PIAS1: variants seen among roughly 807,000 people sequenced by gnomAD.
PIAS1 encodes E3 SUMO-protein ligase PIAS1.
PIAS1 carries 6 observed loss-of-function variants against 71.3 expected under a neutral mutation model. The observed-to-expected ratio is 0.08, with a 90% CI of 0.05 to 0.17. The LOEUF (loss-of-function observed/expected upper bound fraction) is 0.17, where lower values mean the gene tolerates loss of function less well. PIAS1 is among the 10% of genes least tolerant of loss of function. The probability of loss-of-function intolerance (pLI) is 1.00; values close to 1 mark genes in which losing one functional copy is unlikely to be tolerated. For synonymous variants in PIAS1, 303 were observed against 292.9 expected (o/e 1.03, Z -0.35); for missense variants, 555 against 793.6 (o/e 0.70, Z 3.61).
chr15:68,075,314 G>C (rs969942845), intron 1 of PIAS1, among the ~76,000 whole-genome samples: 3 of 151,954 alleles, frequency 2.0e-5, no homozygotes, highest in Non-Finnish European at 4.4e-5. Flanking sequence ...TCGAACTCCT[G>C]ATCTCAGGTG....
intron 2 of PIAS1, among the ~76,000 whole-genome samples, chr15:68,091,200 A>C (rs559352778): frequency 6.6e-6 from 1 of 152,316 alleles, no homozygotes; most frequent in Non-Finnish European, 1.5e-5. Context: ...ATAATTTTGG[A>C]TTAAAATATC....
At chr15:68,179,561 G>GTTTTTTTTTTTTTTTTTT (rs1307028845) in intron 11 of PIAS1, among the ~76,000 whole-genome samples, 4 of 30,190 alleles carry the variant, frequency 1.3e-4, no homozygotes, top group Non-Finnish European at 3.9e-4. Flanking sequence ...CTCGTGAAAT[G>GTTTTTTTTTTTTTTTTTT]TTCTTTTTTT....
chr15:68,094,679 T>C (rs1225299620), intron 2 of PIAS1, among the ~76,000 whole-genome samples: 1 of 152,184 alleles, frequency 6.6e-6, no homozygotes, highest in Non-Finnish European at 1.5e-5. Context: ...CTGATAACTA[T>C]TAGAAAGGGC....
chr15:68,149,602 T>G (rs1001052247), intron 6 of PIAS1, among the ~76,000 whole-genome samples: 1 of 152,098 alleles, frequency 6.6e-6, no homozygotes, highest in South Asian at 2.1e-4. Context: ...CCATGTTGGT[T>G]GTTATTATTA....
At chr15:68,165,775 A>T (rs1271239627) in intron 8 of PIAS1, among the ~76,000 whole-genome samples, 2 of 152,170 alleles carry the variant, frequency 1.3e-5, no homozygotes, top group East Asian at 1.9e-4. Context: ...TATGTGAAAA[A>T]TTTAATAATT....
Position 68,173,940 on chromosome 15 carries a change from T to C in PIAS1, c.1169+48T>C, listed in dbSNP as rs771796738. Reference sequence around the variant, plus strand: ...GGTACCTTGAAATGACCATATATTATCTGGGTTTGTTACACATCAGATTTG... The same window carrying C: ...GGTACCTTGAAATGACCATATATTACCTGGGTTTGTTACACATCAGATTTG... On this transcript the variant is annotated intron_variant, in intron 9 of 13. Coordinates refer to ENST00000249636, the MANE Select transcript of PIAS1 (RefSeq NM_016166.3). The surrounding 1 kb of genome is among the most constrained non-coding windows in gnomAD (Gnocchi z 4.3). The C allele has an allele frequency of 1.6e-6, 2 of 1,242,610 alleles. No individual in the cohort carries two copies. The highest frequency in any genetic ancestry group is 5.1e-5 in the South Asian group (2 of 39,340). The allele number at this position is 1,242,610 out of a possible 1,614,324, so 77.0% of individuals were successfully genotyped here.
At chr15:68,064,731 A>G (rs2091998286) in intron 1 of PIAS1, among the ~76,000 whole-genome samples, 1 of 152,236 alleles carries the variant, frequency 6.6e-6, no homozygotes, top group South Asian at 2.1e-4. Context: ...TTTCCTTTAT[A>G]TTCTTCATCC....
Position 68,175,770 on chromosome 15 carries a change from G to A in PIAS1, c.1300+3G>A, listed in dbSNP as rs1356499666. 5 of 1,596,924 alleles carry A rather than the reference G, an allele frequency of 3.1e-6. No homozygotes were observed. The highest frequency in any genetic ancestry group is 2.3e-5 in the South Asian group (2 of 88,218). ...TGCCTCTTACAATGGAGTCGATGGTGAGTAGTTCTTCACAAGGAAGAGGCA... is the reference window on the plus strand; with the variant it reads ...TGCCTCTTACAATGGAGTCGATGGTAAGTAGTTCTTCACAAGGAAGAGGCA... On this transcript the variant is annotated splice_donor_region_variant and intron_variant, in intron 10 of 13. Transcript: ENST00000249636.
chr15:68,124,179 A>G (rs1259745546), intron 2 of PIAS1, among the ~76,000 whole-genome samples: 1 of 152,194 alleles, frequency 6.6e-6, no homozygotes, highest in East Asian at 1.9e-4. Context: ...TGAAAAAATA[A>G]CATGGGTATT....
intron 2 of PIAS1, among the ~76,000 whole-genome samples, chr15:68,112,731 C>T (rs995047797): frequency 1.3e-5 from 2 of 152,158 alleles, no homozygotes; most frequent in Non-Finnish European, 2.9e-5. Flanking sequence ...CTAGAACTCT[C>T]ATATACCATT....
intron 11 of PIAS1, 75 bp downstream of exon 11, chr15:68,176,729 A>G (rs1000260447): frequency 8.0e-6 from 8 of 998,468 alleles, no homozygotes; most frequent in African/African-American, 4.9e-5. Flanking sequence ...AGACTTGCCA[A>G]ATAAAATGAT....
rs771705290 is a variant in PIAS1 at position 68,086,640 on chromosome 15, T to C, written c.359T>C (p.Leu120Pro). The C allele has an allele frequency of 1.2e-6, 2 of 1,613,282 alleles. No homozygotes were observed. The highest frequency in any genetic ancestry group is 2.2e-5 in the South Asian group (2 of 91,052). The change falls in exon 2 of 14, where the codon CTG (leucine) becomes CCG (proline). Residue 120 changes from leucine to proline, a missense_variant. Leu to Pro is a moderately conservative substitution (Grantham distance 98). Transcript: ENST00000249636. The surrounding 1 kb of genome is among the most constrained non-coding windows in gnomAD (Gnocchi z 7.2). ...TCTCTTCTGGGACCTAAACATGAAC[T>C]GGAACTCCCACATCTTACATCAGCT... ...PVSLLGPKHE[L>P]ELPHLTSALH...
intron 8 of PIAS1, among the ~76,000 whole-genome samples, chr15:68,168,407 A>G (rs1376905649): frequency 6.6e-6 from 1 of 152,198 alleles, no homozygotes; most frequent in Non-Finnish European, 1.5e-5. Context: ...AAGTTGGTTA[A>G]AACTTTTATC....
chr15:68,110,703 C>A (rs565872611), intron 2 of PIAS1, among the ~76,000 whole-genome samples: 10 of 151,920 alleles, frequency 6.6e-5, no homozygotes, highest in Admixed American at 3.9e-4. Flanking sequence ...ATCAAGGCTG[C>A]ACTCCAGTCT....
At chr15:68,157,677 A>AG (rs1345780414) in intron 7 of PIAS1, among the ~76,000 whole-genome samples, 2 of 152,186 alleles carry the variant, frequency 1.3e-5, no homozygotes, top group East Asian at 3.8e-4. Flanking sequence ...GATTCTCTTA[A>AG]GGGAAGCATT....
intron 2 of PIAS1, among the ~76,000 whole-genome samples, chr15:68,097,143 A>G (rs1255629371): frequency 1.3e-5 from 2 of 152,148 alleles, no homozygotes; most frequent in South Asian, 2.1e-4. Flanking sequence ...TGTCTTTTCT[A>G]CATCCATTCA....
intron 4 of PIAS1, among the ~76,000 whole-genome samples, chr15:68,144,987 G>A (rs899787862): frequency 9.2e-5 from 14 of 152,220 alleles, no homozygotes; most frequent in African/African-American, 3.4e-4. Flanking sequence ...TCCCTACTAT[G>A]TAACTCAGGG....
intron 2 of PIAS1, among the ~76,000 whole-genome samples, chr15:68,108,815 G>T (rs2092496329): frequency 6.6e-6 from 1 of 151,868 alleles, no homozygotes; most frequent in South Asian, 2.1e-4. Flanking sequence ...TGTTTTATTG[G>T]CTCCACCCTT....
intron 1 of PIAS1, chr15:68,057,651 G>A (rs564884295): frequency 4.0e-6 from 1 of 253,020 alleles, no homozygotes; most frequent in Non-Finnish European, 7.8e-6. Context: ...TGATCCTTAC[G>A]CTGTAATTTG....
Sources: allele counts gnomAD v4.1 joint callset (sites outside exome capture counted in the v4.1 genomes callset), GRCh38; gene constraint gnomAD v4.1.1; non-coding constraint Gnocchi (gnomAD v3.1); transcripts MANE v1.5; gene names NCBI Gene and HGNC (gene_info 2026-07-23, HGNC 2026-07-21).